The following TMEM132B variants were observed in gnomAD, a reference collection of about 807,000 sequenced individuals.
TMEM132B encodes the protein transmembrane protein 132B.
A neutral mutation model predicts 90.8 loss-of-function variants in TMEM132B; 18 were observed. The ratio of observed to expected loss-of-function variants is 0.20; its 90% CI spans 0.14 to 0.29. The LOEUF is 0.29. TMEM132B is among the 10% of genes least tolerant of loss of function. The pLI is 1.00. For missense variants in TMEM132B, 1,096 were observed against 1,326.8 expected (o/e 0.83, Z 2.70); for synonymous variants, 504 against 523.3 (o/e 0.96, Z 0.50).
intron 1 of TMEM132B, among the ~76,000 whole-genome samples, chr12:125,189,050 A>G (rs1957779625): frequency 6.6e-6 from 1 of 151,898 alleles, no homozygotes; most frequent in South Asian, 2.1e-4. Flanking sequence ...TTCAGAGGCA[A>G]AGATGCGCAC....
At chr12:125,261,106 A>G (rs114690740) in intron 1 of TMEM132B, among the ~76,000 whole-genome samples, 84 of 152,302 alleles carry the variant, frequency 5.5e-4, no homozygotes, top group African/African-American at 1.9e-3. Flanking sequence ...AGTGCAATGA[A>G]ACTTGCAACT....
intron 7 of TMEM132B, 25 bp downstream of exon 7, chr12:125,650,978 ACAG>A (rs1436655702): frequency 6.2e-7 from 1 of 1,610,402 alleles, no homozygotes; most frequent in East Asian, 2.2e-5. Flanking sequence ...GCCTTGCCCA[ACAG>A]CAGTCTGTGT....
intron 2 of TMEM132B, among the ~76,000 whole-genome samples, chr12:125,411,361 A>AG (rs1452994643): frequency 1.7e-5 from 1 of 58,332 alleles, no homozygotes; most frequent in African/African-American, 5.9e-5. Flanking sequence ...GGCCTGTCAG[A>AG]GGGTGGGGGG....
At chr12:125,215,508 G>C (rs1873413248) in intron 1 of TMEM132B, among the ~76,000 whole-genome samples, 1 of 151,980 alleles carries the variant, frequency 6.6e-6, no homozygotes. Flanking sequence ...TTCCACCCTT[G>C]CATTTTCTCT....
chr12:125,225,580 A>G (rs1029563074), intron 1 of TMEM132B, among the ~76,000 whole-genome samples: 2 of 152,142 alleles, frequency 1.3e-5, no homozygotes, highest in African/African-American at 4.8e-5. Flanking sequence ...TGCTCTAACA[A>G]ACAACTCCCA....
At chr12:125,362,434 C>T (rs1877988182) in intron 2 of TMEM132B, among the ~76,000 whole-genome samples, 1 of 152,130 alleles carries the variant, frequency 6.6e-6, no homozygotes, top group Admixed American at 6.5e-5. Context: ...TATACATGCC[C>T]TGGATAAGGT....
chr12:125,307,738 T>C (rs1392953081), intron 1 of TMEM132B, among the ~76,000 whole-genome samples: 1 of 130,324 alleles, frequency 7.7e-6, no homozygotes, highest in Non-Finnish European at 1.8e-5. Flanking sequence ...TGTATACTTG[T>C]AATATAAGTA....
Position 125,415,708 on chromosome 12 carries a change from C to A in TMEM132B, c.1106+31C>A. 4.3e-6 allele frequency: 7 copies of A among 1,611,424 alleles called. No individual in the cohort carries two copies. The highest frequency in any genetic ancestry group is 5.9e-6 in the Non-Finnish European group (7 of 1,178,454). Reference sequence around the variant, plus strand: ...CATGGAGATCCCCAAGGCACCTCCGCAGTGGGGAGGAGGGGAGTGGCTGCC... The same window carrying A: ...CATGGAGATCCCCAAGGCACCTCCGAAGTGGGGAGGAGGGGAGTGGCTGCC... On this transcript the variant is annotated intron_variant, in intron 3 of 8. Transcript: ENST00000682704. The surrounding 1 kb of genome is among the most constrained non-coding windows in gnomAD (Gnocchi z 5.3).
chr12:125,475,717 A>T (rs1231102826), intron 3 of TMEM132B, among the ~76,000 whole-genome samples: 1 of 152,182 alleles, frequency 6.6e-6, no homozygotes, highest in Non-Finnish European at 1.5e-5. Context: ...GGACCTTGTG[A>T]TCATGTGAGT....
At position 125,291,758 on chromosome 12, in the gene TMEM132B, C is replaced by CT. The variant is rs199724245; in HGVS notation, c.68-57687dup. Among the ~76,000 whole-genome samples the CT allele has an allele frequency of 3.3e-5, 5 of 152,240 alleles. No homozygotes were observed. In the East Asian group the frequency reaches 5.8e-4, roughly 18 times the overall value. On this transcript the variant is annotated intron_variant, in intron 1 of 8. Transcript: ENST00000682704. Reference sequence around the variant, plus strand: ...CTATGGGAACCATGAGACATATTTGCTTTTTTTAAAAAAAAATTGTGGTGA... The same window carrying CT: ...CTATGGGAACCATGAGACATATTTGCTTTTTTTTAAAAAAAAATTGTGGTGA...
At chr12:125,440,977 C>T (rs181130992) in intron 3 of TMEM132B, among the ~76,000 whole-genome samples, 4 of 152,234 alleles carry the variant, frequency 2.6e-5, no homozygotes, top group South Asian at 4.2e-4. Context: ...TATTAGTTGG[C>T]GTTTATGAAA....
chr12:125,421,547 T>G (rs1880168381), intron 3 of TMEM132B, among the ~76,000 whole-genome samples: 1 of 152,172 alleles, frequency 6.6e-6, no homozygotes, highest in Non-Finnish European at 1.5e-5. Flanking sequence ...TCACAACACA[T>G]GGGAATTATG....
chr12:125,598,138 T>G (rs370672169), intron 5 of TMEM132B, among the ~76,000 whole-genome samples: 1 of 152,172 alleles, frequency 6.6e-6, no homozygotes, highest in Admixed American at 6.5e-5. Context: ...CCTGGCCCTC[T>G]AGAAATGTCG....
chr12:125,303,092 C>T (rs934841012), intron 1 of TMEM132B, among the ~76,000 whole-genome samples: 4 of 151,344 alleles, frequency 2.6e-5, no homozygotes, highest in African/African-American at 9.7e-5. Flanking sequence ...CGAGACTCTG[C>T]ATATTAAAAA....
intron 3 of TMEM132B, among the ~76,000 whole-genome samples, chr12:125,418,104 G>T (rs1430167283): frequency 2.6e-5 from 4 of 152,136 alleles, no homozygotes; most frequent in Non-Finnish European, 5.9e-5. Flanking sequence ...CACTGTCTGG[G>T]TACAGAATGG....
intron 1 of TMEM132B, among the ~76,000 whole-genome samples, chr12:125,259,417 C>A (rs1874510244): frequency 6.6e-6 from 1 of 152,204 alleles, no homozygotes; most frequent in Non-Finnish European, 1.5e-5. Flanking sequence ...ATGTCTGTCA[C>A]TTCAGTAATT....
intron 1 of TMEM132B, among the ~76,000 whole-genome samples, chr12:125,342,740 C>A (rs1464857798): frequency 6.6e-6 from 1 of 152,154 alleles, no homozygotes; most frequent in Non-Finnish European, 1.5e-5. Context: ...CCCAGCTTGG[C>A]CAAGCAGGGC....
chr12:125,533,314 A>G (rs1392602992), intron 4 of TMEM132B, among the ~76,000 whole-genome samples: 1 of 152,218 alleles, frequency 6.6e-6, no homozygotes. Context: ...GAAATACTTA[A>G]GATAGTGATG....
intron 3 of TMEM132B, among the ~76,000 whole-genome samples, chr12:125,471,440 T>G (rs1397768160): frequency 6.6e-6 from 1 of 152,226 alleles, no homozygotes; most frequent in Non-Finnish European, 1.5e-5. Context: ...CTTGCTTCCT[T>G]CTGGCAGTGA....
Sources: allele counts gnomAD v4.1 joint callset (sites outside exome capture counted in the v4.1 genomes callset), GRCh38; gene constraint gnomAD v4.1.1; non-coding constraint Gnocchi (gnomAD v3.1); transcripts MANE v1.5; gene names NCBI Gene and HGNC (gene_info 2026-07-23, HGNC 2026-07-21).